SPIDR: variants seen among roughly 807,000 people sequenced by gnomAD.
SPIDR encodes the protein scaffold protein involved in DNA repair, also known as DNA repair-scaffolding protein.
In SPIDR, 93 loss-of-function variants were observed where a neutral mutation model predicts 104.6. That is an observed-to-expected ratio of 0.89 (90% CI 0.75 to 1.06). The LOEUF is 1.06. SPIDR is among the 50% of genes least tolerant of loss of function. The pLI is 0.00. For synonymous variants in SPIDR, 431 were observed against 416.9 expected (o/e 1.03, Z -0.41); for missense variants, 1,154 against 1,111.2 (o/e 1.04, Z -0.55).
intron 5 of SPIDR, among the ~76,000 whole-genome samples, chr8:47,348,153 ACT>A (rs570141467): frequency 6.6e-6 from 1 of 150,942 alleles, no homozygotes; most frequent in African/African-American, 2.4e-5. Flanking sequence ...GTGGTGACAA[ACT>A]CTCTCAGCAT....
Position 47,595,827 on chromosome 8 carries a change from C to T in SPIDR, c.1114C>T (p.Pro372Ser), listed in dbSNP as rs2061572076. 6.2e-7 allele frequency: 1 copy of T among 1,613,966 alleles called. No homozygotes were observed. ...IFPPWQKLII[P>S]SGSCPVILNT... Reference sequence around the variant, plus strand: ...CTTTTCCAGGCAAAAACTGATTATTCCAAGTGGAAGTTGCCCTGTTATTCT... The same window carrying T: ...CTTTTCCAGGCAAAAACTGATTATTTCAAGTGGAAGTTGCCCTGTTATTCT... The change falls in exon 9 of 20, where the codon CCA (proline) becomes TCA (serine). Residue 372 changes from proline (P) to serine (S), a missense_variant. Transcript: ENST00000297423.
chr8:47,493,016 G>GGAGAGA (rs35531714), intron 8 of SPIDR, among the ~76,000 whole-genome samples: 1 of 140,394 alleles, frequency 7.1e-6, no homozygotes, highest in East Asian at 2.1e-4. Flanking sequence ...TTGAGCCATT[G>GGAGAGA]GAGAGAGAGA....
chr8:47,342,413 T>C (rs868979625), intron 5 of SPIDR, among the ~76,000 whole-genome samples: 38 of 134,962 alleles, frequency 2.8e-4, no homozygotes, highest in African/African-American at 1.0e-3. Context: ...CTTGGCCCAC[T>C]GCAGCCTCCG....
intron 8 of SPIDR, among the ~76,000 whole-genome samples, chr8:47,509,384 A>C (rs576997294): frequency 6.6e-6 from 1 of 152,268 alleles, no homozygotes; most frequent in Non-Finnish European, 1.5e-5. Context: ...CCCTAAGTCT[A>C]TATTTCTACA....
At chr8:47,462,869 C>T (rs1194619433) in intron 8 of SPIDR, among the ~76,000 whole-genome samples, 1 of 152,026 alleles carries the variant, frequency 6.6e-6, no homozygotes. Context: ...AGAATCAAAA[C>T]TGAAGAGACT....
chr8:47,533,659 G>GA (rs1228227637), intron 8 of SPIDR, among the ~76,000 whole-genome samples: 6 of 151,596 alleles, frequency 4.0e-5, no homozygotes, highest in South Asian at 2.1e-4. Flanking sequence ...GCATATGGGG[G>GA]AAAAAAAACC....
At chr8:47,431,287 C>T (rs1248348985) in intron 7 of SPIDR, among the ~76,000 whole-genome samples, 3 of 152,154 alleles carry the variant, frequency 2.0e-5, no homozygotes, top group African/African-American at 4.8e-5. Flanking sequence ...CAATTACTTC[C>T]TTGGAGCCCC....
chr8:47,576,116 T>C, intron 8 of SPIDR, among the ~76,000 whole-genome samples: 1 of 151,642 alleles, frequency 6.6e-6, no homozygotes, highest in East Asian at 1.9e-4. Flanking sequence ...AAACATTTTT[T>C]TGACAAGGTC....
At chr8:47,330,051 G>C (rs782253753) in intron 5 of SPIDR, among the ~76,000 whole-genome samples, 1 of 152,100 alleles carries the variant, frequency 6.6e-6, no homozygotes, top group Non-Finnish European at 1.5e-5. Flanking sequence ...GGACTTGTGT[G>C]GATTCTTAGG....
chr8:47,676,722 G>C (rs1440767246), intron 11 of SPIDR, among the ~76,000 whole-genome samples: 1 of 152,166 alleles, frequency 6.6e-6, no homozygotes, highest in Non-Finnish European at 1.5e-5. Context: ...GAGCCTCTTA[G>C]ATCTGGCCTA....
chr8:47,350,589 C>A (rs1563707907), intron 5 of SPIDR, among the ~76,000 whole-genome samples: 1 of 152,240 alleles, frequency 6.6e-6, no homozygotes, highest in Non-Finnish European at 1.5e-5. Context: ...GCTGGGGTTA[C>A]AGGCGTGTGC....
chr8:47,304,066 C>G (rs2042714596), intron 5 of SPIDR, among the ~76,000 whole-genome samples: 1 of 151,772 alleles, frequency 6.6e-6, no homozygotes, highest in Non-Finnish European at 1.5e-5. Flanking sequence ...TTATTCTTGT[C>G]TGGGTTTTTA....
chr8:47,457,568 T>TG, intron 8 of SPIDR, among the ~76,000 whole-genome samples: 1 of 152,342 alleles, frequency 6.6e-6, no homozygotes, highest in African/African-American at 2.4e-5. Context: ...TGCTGACTGT[T>TG]GCTTTTGCCA....
chr8:47,346,236 C>T (rs1158354282), intron 5 of SPIDR, among the ~76,000 whole-genome samples: 2 of 152,062 alleles, frequency 1.3e-5, no homozygotes, highest in Non-Finnish European at 2.9e-5. Flanking sequence ...TGGTTTTTGT[C>T]GTTGGTTCTG....
chr8:47,662,974 A>G (rs1459880785), intron 10 of SPIDR, among the ~76,000 whole-genome samples: 2 of 152,160 alleles, frequency 1.3e-5, no homozygotes, highest in Admixed American at 6.5e-5. Flanking sequence ...TGAGCAATAC[A>G]TTTCTATTGT....
At chr8:47,595,747 T>C in intron 8 of SPIDR, 64 bp from the exon 9 acceptor site, 1 of 1,501,070 alleles carries the variant, frequency 6.7e-7, no homozygotes, top group Non-Finnish European at 9.2e-7. Context: ...ATTCCTGATT[T>C]AGCAAGAATA....
At chr8:47,485,941 G>T (rs1010849053) in intron 8 of SPIDR, among the ~76,000 whole-genome samples, 8 of 152,296 alleles carry the variant, frequency 5.3e-5, no homozygotes, top group Admixed American at 4.6e-4. Context: ...AAATCAGAGC[G>T]CCTGTCCCCC....
chr8:47,504,452 C>T (rs977762834), intron 8 of SPIDR, among the ~76,000 whole-genome samples: 5 of 152,118 alleles, frequency 3.3e-5, no homozygotes, highest in Non-Finnish European at 7.3e-5. Flanking sequence ...GTGCATTTGT[C>T]ACATAGTTCT....
At chr8:47,440,754 G>A (rs1479997054) in intron 8 of SPIDR, among the ~76,000 whole-genome samples, 2 of 152,214 alleles carry the variant, frequency 1.3e-5, no homozygotes, top group Admixed American at 1.3e-4. Context: ...ATAATTTGGG[G>A]TGAGAGGGTT....
Sources: gnomAD v4.1 joint callset for allele counts (sites outside exome capture counted in the v4.1 genomes callset) on GRCh38, gnomAD v4.1.1 for gene constraint, MANE v1.5 for transcripts, NCBI Gene and HGNC (gene_info 2026-07-23, HGNC 2026-07-21) for gene names.